The following L3MBTL4 variants were observed in gnomAD, a reference collection of about 807,000 sequenced individuals.
The protein encoded by L3MBTL4 is L3MBTL histone methyl-lysine binding protein 4.
In L3MBTL4, 70 loss-of-function variants were observed where a neutral mutation model predicts 84.5. The ratio of observed to expected loss-of-function variants is 0.83; its 90% CI spans 0.68 to 1.01. The LOEUF is 1.01. L3MBTL4 is among the 50% of genes least tolerant of loss of function. The pLI, the probability that L3MBTL4 is intolerant of heterozygous loss-of-function variation, is 0.00. For synonymous variants in L3MBTL4, 274 were observed against 259.8 expected (o/e 1.05, Z -0.52); for missense variants, 715 against 754.8 (o/e 0.95, Z 0.62).
chr18:6,374,395 A>G lies in L3MBTL4; in HGVS notation c.-91+40406T>C, dbSNP rs74513330. ...AAAACATTTTATCAAGAGAGCTACA[A>G]AATAAACTCCCTGGCAATGTCTCGC... is the stretch of plus-strand genomic sequence containing the variant. On this transcript the variant is annotated intron_variant, in intron 1 of 18. Coordinates refer to ENST00000317931, the MANE Select transcript of L3MBTL4 (RefSeq NM_001330559.2). 2.7e-3 allele frequency: 414 copies of G among 154,932 alleles called. 3 individuals carry two copies. The highest frequency in any genetic ancestry group is 9.5e-3 in the African/African-American group (394 of 41,652). 9.6% of individuals were successfully genotyped at this position (154,932 alleles called of 1,614,324 possible). A position where few individuals can be genotyped will look rare whatever the true frequency, so the allele number is the denominator to read the frequency against.
At chr18:6,402,256 C>T (rs533118531) in intron 1 of L3MBTL4, among the ~76,000 whole-genome samples, 11 of 152,272 alleles carry the variant, frequency 7.2e-5, no homozygotes, top group Non-Finnish European at 1.3e-4. Context: ...ATTCATTGCA[C>T]AATCTACATT....
At chr18:6,265,838 T>C (rs1599403338) in intron 4 of L3MBTL4, among the ~76,000 whole-genome samples, 1 of 152,204 alleles carries the variant, frequency 6.6e-6, no homozygotes, top group African/African-American at 2.4e-5. Flanking sequence ...AATGGGGAGA[T>C]GTTGCCCAAA....
intron 13 of L3MBTL4, among the ~76,000 whole-genome samples, chr18:6,159,245 G>C (rs2043221070): frequency 6.6e-6 from 1 of 152,128 alleles, no homozygotes; most frequent in Non-Finnish European, 1.5e-5. Flanking sequence ...TCACTGGCTG[G>C]GTTACCCACT....
intron 16 of L3MBTL4, among the ~76,000 whole-genome samples, chr18:6,052,403 T>C (rs138843263): frequency 1.5e-3 from 222 of 152,342 alleles, no homozygotes; most frequent in African/African-American, 5.1e-3. Flanking sequence ...ATCAAATTAA[T>C]TACACATTTT....
chr18:5,960,958 C>T (rs549499796), intron 17 of L3MBTL4, among the ~76,000 whole-genome samples: 3 of 152,168 alleles, frequency 2.0e-5, no homozygotes, highest in Non-Finnish European at 4.4e-5. Context: ...AGGGTAGACT[C>T]CCAACAGCAG....
At position 6,284,806 on chromosome 18, in the gene L3MBTL4, C is replaced by T. The variant is rs564533789; in HGVS notation, c.127+17097G>A. On this transcript the variant is annotated intron_variant, in intron 4 of 18. Transcript: ENST00000317931. ...AGGACATGGGTGGAGGCAGCTAGAG[C>T]GACCTTGGCCTCGAGCCCGCTGGAG... 3.9e-4 allele frequency among the ~76,000 whole-genome samples: 59 copies of T among 152,362 alleles called. No homozygotes were observed. In the South Asian group the frequency reaches 0.01, roughly 27 times the overall value.
intron 16 of L3MBTL4, among the ~76,000 whole-genome samples, chr18:5,987,406 G>A (rs2053510077): frequency 6.6e-6 from 1 of 152,256 alleles, no homozygotes. Context: ...AAGCCCAGCA[G>A]TGTGGGAATG....
rs2056112020 is a variant in L3MBTL4 at position 6,414,528 on chromosome 18, G to A, written c.-91+273C>T. 6.6e-6 allele frequency among the ~76,000 whole-genome samples: 1 copy of A among 152,012 alleles called. No individual in the cohort carries two copies. The highest frequency in any genetic ancestry group is 1.5e-5 in the Non-Finnish European group (1 of 67,974). On this transcript the variant is annotated intron_variant, in intron 1 of 18. Coordinates refer to ENST00000317931, the MANE Select transcript of L3MBTL4 (RefSeq NM_001330559.2). This position sits in a 1 kb window ranked among gnomAD's most constrained non-coding sequence, Gnocchi z 5.4. The stretch of plus-strand genomic sequence containing the variant: ...GCTGACCGAGGCGCCGGGCTCTGCG[G>A]CGGCCGCGCCCGTCCAAAGTAGGCG...
intron 14 of L3MBTL4, among the ~76,000 whole-genome samples, chr18:6,106,849 C>A (rs902189038): frequency 2.2e-4 from 33 of 152,304 alleles, no homozygotes; most frequent in African/African-American, 7.7e-4. Context: ...ATCCACAAAT[C>A]TCTGTAGAAT....
chr18:6,295,003 G>C (rs1043098800), intron 4 of L3MBTL4, among the ~76,000 whole-genome samples: 1 of 152,112 alleles, frequency 6.6e-6, no homozygotes, highest in Non-Finnish European at 1.5e-5. Flanking sequence ...GCCAGGCACG[G>C]TGGTTCACGC....
intron 14 of L3MBTL4, among the ~76,000 whole-genome samples, chr18:6,125,243 G>A (rs2059653294): frequency 6.6e-6 from 1 of 152,050 alleles, no homozygotes. Context: ...CCTACCACTA[G>A]TAGCAAGAAC....
At chr18:6,100,658 C>G (rs1161330630) in intron 14 of L3MBTL4, among the ~76,000 whole-genome samples, 1 of 152,222 alleles carries the variant, frequency 6.6e-6, no homozygotes, top group Non-Finnish European at 1.5e-5. Context: ...GGAAGGGGGG[C>G]ACTTCCTCGT....
chr18:6,372,296 A>C (rs2054188497), intron 1 of L3MBTL4, among the ~76,000 whole-genome samples: 1 of 152,062 alleles, frequency 6.6e-6, no homozygotes, highest in African/African-American at 2.4e-5. Flanking sequence ...CCCTATGGGG[A>C]TGTGTGGGGC....
chr18:6,221,190 T>C (rs2046535971), intron 10 of L3MBTL4, among the ~76,000 whole-genome samples: 1 of 152,154 alleles, frequency 6.6e-6, no homozygotes, highest in Non-Finnish European at 1.5e-5. Context: ...CATGAATCAA[T>C]AGCACAAGTC....
chr18:6,163,679 A>G (rs2043480928), intron 13 of L3MBTL4, among the ~76,000 whole-genome samples: 1 of 152,168 alleles, frequency 6.6e-6, no homozygotes, highest in South Asian at 2.1e-4. Flanking sequence ...CAAACTTCTT[A>G]AGAAAAAGTG....
intron 5 of L3MBTL4, among the ~76,000 whole-genome samples, chr18:6,245,733 G>T (rs1377266216): frequency 4.6e-5 from 7 of 151,876 alleles, no homozygotes; most frequent in Non-Finnish European, 1.0e-4. Flanking sequence ...GGGATTACAA[G>T]TGTGCACCAC....
intron 12 of L3MBTL4, among the ~76,000 whole-genome samples, chr18:6,180,060 G>T (rs1347886995): frequency 6.6e-6 from 1 of 152,132 alleles, no homozygotes; most frequent in African/African-American, 2.4e-5. Flanking sequence ...GACTTAACCT[G>T]AGAACAGTTT....
intron 18 of L3MBTL4, among the ~76,000 whole-genome samples, chr18:5,959,729 C>A (rs1280658980): frequency 6.6e-6 from 1 of 152,136 alleles, no homozygotes; most frequent in African/African-American, 2.4e-5. Context: ...GGCCTCATGA[C>A]ACTGATAGGT....
chr18:6,069,037 C>T (rs1252360178), intron 16 of L3MBTL4, among the ~76,000 whole-genome samples: 1 of 152,302 alleles, frequency 6.6e-6, no homozygotes, highest in East Asian at 1.9e-4. Context: ...GGAATGTCTG[C>T]AAGGGATCCA....
Sources: gnomAD v4.1 joint callset for allele counts (sites outside exome capture counted in the v4.1 genomes callset) on GRCh38, gnomAD v4.1.1 for gene constraint, Gnocchi (gnomAD v3.1) non-coding constraint, MANE v1.5 for transcripts, NCBI Gene and HGNC (gene_info 2026-07-23, HGNC 2026-07-21) for gene names.